Variants in RSBN1 observed in about 807,000 individuals in gnomAD.
RSBN1 encodes round spermatid basic protein 1.
RSBN1 carries 23 observed loss-of-function variants against 74.8 expected under a neutral mutation model. The observed-to-expected ratio is 0.31, with a 90% CI of 0.22 to 0.44. The LOEUF (loss-of-function observed/expected upper bound fraction) is 0.44, where lower values mean the gene tolerates loss of function less well. Among genes scored for constraint, RSBN1 ranks in the 20% least tolerant of loss-of-function variants. The pLI is 1.00. For synonymous variants in RSBN1, 407 were observed against 379.6 expected, an observed-to-expected ratio of 1.07 and a Z score of -0.84; for missense variants, 808 against 1,020.9, an observed-to-expected ratio of 0.79 and a Z score of 2.84.
intron 2 of RSBN1, among the ~76,000 whole-genome samples, chr1:113,796,017 T>C (rs567210060): frequency 2.0e-5 from 3 of 152,280 alleles, no homozygotes; most frequent in Non-Finnish European, 4.4e-5. Context: ...ATATCTTTCC[T>C]TGTTAAATAG....
intron 4 of RSBN1, among the ~76,000 whole-genome samples, chr1:113,776,303 T>C (rs1221064517): frequency 6.6e-6 from 1 of 152,142 alleles, no homozygotes; most frequent in African/African-American, 2.4e-5. Flanking sequence ...AAAACTTTAA[T>C]GAACAGAACA....
At chr1:113,783,457 GAA>G (rs35426448) in intron 2 of RSBN1, among the ~76,000 whole-genome samples, 1 of 140,344 alleles carries the variant, frequency 7.1e-6, no homozygotes, top group Admixed American at 7.0e-5. Flanking sequence ...AGGCTGACAA[GAA>G]AAAAAAAAAG....
intron 2 of RSBN1, among the ~76,000 whole-genome samples, chr1:113,782,629 T>C (rs903201011): frequency 6.6e-6 from 1 of 152,184 alleles, no homozygotes; most frequent in South Asian, 2.1e-4. Flanking sequence ...ATCTTCAACA[T>C]ACTGATTAAA....
chr1:113,792,001 T>A (rs1000483255), intron 2 of RSBN1, among the ~76,000 whole-genome samples: 1 of 152,306 alleles, frequency 6.6e-6, no homozygotes, highest in African/African-American at 2.4e-5. Context: ...TTTTTGTTTT[T>A]CTCTGGAACC....
intron 2 of RSBN1, among the ~76,000 whole-genome samples, chr1:113,792,986 T>C (rs931038608): frequency 4.6e-5 from 7 of 152,224 alleles, no homozygotes; most frequent in African/African-American, 1.2e-4. Flanking sequence ...TTCTAGAATG[T>C]TAAAAGAAAA....
Position 113,797,351 on chromosome 1 carries a change from T to G in RSBN1, c.1377+12A>C. 1 of 1,594,474 alleles carries G rather than the reference T, an allele frequency of 6.3e-7. No homozygotes were observed. The highest frequency in any genetic ancestry group is 1.8e-5 in the Admixed American group (1 of 54,964). On this transcript the variant is annotated intron_variant, in intron 2 of 6. Transcript: ENST00000261441. ...CGTATTTACTAATTTTTAACAACAATTTTTATCTTACCTGAGTGTGAAAAT... is the reference window on the plus strand; with the variant it reads ...CGTATTTACTAATTTTTAACAACAAGTTTTATCTTACCTGAGTGTGAAAAT...
In RSBN1 at chr1:113,812,239, T is replaced by G; in HGVS notation, c.174A>C (p.Val58=). 6.2e-7 allele frequency: 1 copy of G among 1,606,458 alleles called. No individual in the cohort carries two copies. The highest frequency in any genetic ancestry group is 8.5e-7 in the Non-Finnish European group (1 of 1,179,848). Residue 58 remains valine, a synonymous_variant, in exon 1 of 7, where the codon GTA becomes GTC. Transcript: ENST00000261441. ...EMAAQVGAVR[V]VRAVAAQEEP... Reference sequence around the variant, plus strand: ...CCTCCTGCGCCGCCACCGCCCGTACTACGCGCACCGCTCCGACCTGCGCAG... The same window carrying G: ...CCTCCTGCGCCGCCACCGCCCGTACGACGCGCACCGCTCCGACCTGCGCAG...
At chr1:113,803,580 G>C (rs1053069372) in intron 1 of RSBN1, among the ~76,000 whole-genome samples, 1 of 152,130 alleles carries the variant, frequency 6.6e-6, no homozygotes, top group Admixed American at 6.6e-5. Context: ...AATGAAAAAC[G>C]CATGTGAAGT....
At chr1:113,775,638 CT>C (rs1660010952) in intron 4 of RSBN1, among the ~76,000 whole-genome samples, 1 of 152,110 alleles carries the variant, frequency 6.6e-6, no homozygotes, top group African/African-American at 2.4e-5. Context: ...CACCTGCCCT[CT>C]TTTTACTCTT....
intron 2 of RSBN1, among the ~76,000 whole-genome samples, chr1:113,787,358 C>T (rs983338291): frequency 1.3e-5 from 2 of 152,102 alleles, no homozygotes; most frequent in Non-Finnish European, 2.9e-5. Flanking sequence ...ACTACAGATA[C>T]AAGCTATCAA....
At position 113,763,306 on chromosome 1, in the gene RSBN1, G is replaced by A. The variant is rs1449165767; in HGVS notation, c.*2674C>T. 2 of 152,676 alleles carry A rather than the reference G, an allele frequency of 1.3e-5. No individual in the cohort carries two copies. The highest frequency in any genetic ancestry group is 2.4e-5 in the African/African-American group (1 of 41,394). The allele number at this position is 152,676 out of a possible 1,614,324, so 9.5% of individuals were successfully genotyped here. On this transcript the variant is annotated 3_prime_UTR_variant, in exon 7 of 7. Coordinates refer to ENST00000261441, the MANE Select transcript of RSBN1 (RefSeq NM_018364.5). Reference sequence around the variant, plus strand: ...AAATATTAAAACTTATAGCCACATTGTGCAAGTAATCTCAAGAGCTGGCAC... The same window carrying A: ...AAATATTAAAACTTATAGCCACATTATGCAAGTAATCTCAAGAGCTGGCAC...
intron 2 of RSBN1, among the ~76,000 whole-genome samples, chr1:113,783,926 C>A (rs1660189887): frequency 6.6e-6 from 1 of 152,092 alleles, no homozygotes; most frequent in Non-Finnish European, 1.5e-5. Flanking sequence ...GGTTTTTTAG[C>A]CTATACCTTG....
chr1:113,774,203 G>A (rs752468904), intron 4 of RSBN1, among the ~76,000 whole-genome samples: 10 of 152,034 alleles, frequency 6.6e-5, no homozygotes, highest in Non-Finnish European at 1.3e-4. Context: ...AGTTACTAAC[G>A]TGACATCACG....
At chr1:113,807,980 T>C (rs1055692381) in intron 1 of RSBN1, among the ~76,000 whole-genome samples, 1 of 151,998 alleles carries the variant, frequency 6.6e-6, no homozygotes, top group South Asian at 2.1e-4. Flanking sequence ...CACACGTCTA[T>C]TAAAATTGCT....
At chr1:113,779,616 G>GT (rs1229116785) in intron 2 of RSBN1, among the ~76,000 whole-genome samples, 2 of 152,210 alleles carry the variant, frequency 1.3e-5, no homozygotes, top group East Asian at 1.9e-4. Context: ...GGGAAGAAAG[G>GT]TAAGTCTTTT....
chr1:113,793,958 T>G (rs1180381630), intron 2 of RSBN1, among the ~76,000 whole-genome samples: 1 of 152,188 alleles, frequency 6.6e-6, no homozygotes, highest in Non-Finnish European at 1.5e-5. Context: ...TGAGACACCA[T>G]GCCCAGCCTC....
intron 2 of RSBN1, among the ~76,000 whole-genome samples, chr1:113,781,497 G>A (rs958928288): frequency 6.6e-6 from 1 of 152,110 alleles, no homozygotes; most frequent in Non-Finnish European, 1.5e-5. Flanking sequence ...CATATTATCT[G>A]TGGGTGGTTT....
chr1:113,773,938 G>A (rs1271261251), intron 4 of RSBN1, among the ~76,000 whole-genome samples: 2 of 152,078 alleles, frequency 1.3e-5, no homozygotes, highest in Non-Finnish European at 2.9e-5. Flanking sequence ...GGGAGGCGGA[G>A]GTTGCAGTGA....
rs182553965 is a variant in RSBN1, at chr1:113,805,478, T to A, written c.703+6232A>T. ...TAGTTACACTCAAGCTTATTCCCTA[T>A]AAGAAATAAAAACAGCATTTAAATA... On this transcript the variant is annotated intron_variant, in intron 1 of 6. Coordinates refer to ENST00000261441, the MANE Select transcript of RSBN1 (RefSeq NM_018364.5). Among the ~76,000 whole-genome samples the A allele has an allele frequency of 4.0e-3, 605 of 152,190 alleles. 2 individuals carry two copies. Among genetic ancestry groups the A allele is most frequent in the Admixed American group, 7.1e-3 (108 of 15,284 alleles).
Sources: gnomAD v4.1 joint callset for allele counts (sites outside exome capture counted in the v4.1 genomes callset) on GRCh38, gnomAD v4.1.1 for gene constraint, MANE v1.5 for transcripts, NCBI Gene and HGNC (gene_info 2026-07-23, HGNC 2026-07-21) for gene names.